The following ZFYVE28 variants were observed in gnomAD, a reference collection of about 807,000 sequenced individuals.
ZFYVE28 encodes the protein zinc finger FYVE-type containing 28, also known as lateral signaling target protein 2 homolog.
In ZFYVE28, 40 loss-of-function variants were observed where a neutral mutation model predicts 82.1. That is an observed-to-expected ratio of 0.49 (90% confidence interval 0.38 to 0.63). The LOEUF is 0.63. ZFYVE28 is among the 30% of genes least tolerant of loss of function. The pLI is 0.00. For missense variants in ZFYVE28, 1,321 were observed against 1,242.1 expected (o/e 1.06, Z -0.96); for synonymous variants, 612 against 546.1 (o/e 1.12, Z -1.68).
At chr4:2,297,265 C>T (rs1217466372) in intron 8 of ZFYVE28, among the ~76,000 whole-genome samples, 3 of 152,212 alleles carry the variant, frequency 2.0e-5, no homozygotes, top group Non-Finnish European at 4.4e-5. Context: ...GGAGGATTTG[C>T]AGCAGCGACC....
At position 2,332,909 on chromosome 4, in the gene ZFYVE28, T is replaced by A. The variant is rs1720940960; in HGVS notation, c.701+2796A>T. Among the ~76,000 whole-genome samples, 4 of 152,262 alleles carry A rather than the reference T, an allele frequency of 2.6e-5. No individual in the cohort carries two copies. In the South Asian group the frequency reaches 8.3e-4, roughly 32 times the overall value. ...TCCACAGCCTGGCTCTGTGGCTAGA[T>A]GCCTGCCTCTGTGGGGGCTCACAGC... On this transcript the variant is annotated intron_variant, in intron 6 of 12. Coordinates refer to ENST00000290974, the MANE Select transcript of ZFYVE28 (RefSeq NM_020972.3). This position sits in a 1 kb window ranked among gnomAD's most constrained non-coding sequence, Gnocchi z 4.7.
intron 8 of ZFYVE28, among the ~76,000 whole-genome samples, chr4:2,278,767 C>G (rs983397956): frequency 6.6e-6 from 1 of 150,590 alleles, no homozygotes; most frequent in Non-Finnish European, 1.5e-5. Context: ...AAAAAAAACA[C>G]TACTGAACAA....
In ZFYVE28 at chr4:2,270,795, G is replaced by A. The variant is rs575982537; in HGVS notation, c.2594C>T (p.Pro865Leu). 10 of 1,613,146 alleles carry A rather than the reference G, an allele frequency of 6.2e-6. No homozygotes were observed. The highest frequency in any genetic ancestry group is 4.5e-5 in the East Asian group (2 of 44,874). Residue 865 changes from proline (P) to leucine (L), a missense_variant, in exon 13 of 13, where the codon CCG (proline) becomes CTG (leucine). Pro to Leu is a moderately conservative substitution (Grantham distance 98). Transcript: ENST00000290974. ...GTAGCAGTGGGTGCACACTCGGACCGGCTTCACCTGCCCGTAGCGGGGCAG... is the reference window on the plus strand; with the variant it reads ...GTAGCAGTGGGTGCACACTCGGACCAGCTTCACCTGCCCGTAGCGGGGCAG... ...APLPRYGQVK[P>L]VRVCTHCYMF... is the part of the protein sequence containing the mutation.
At chr4:2,302,015 C>T (rs1431710976) in intron 8 of ZFYVE28, among the ~76,000 whole-genome samples, 4 of 152,200 alleles carry the variant, frequency 2.6e-5, no homozygotes, top group Admixed American at 6.5e-5. Context: ...CGCATGAGGC[C>T]CTGCCCCGCA....
chr4:2,278,006 C>T (rs143496772), intron 8 of ZFYVE28, among the ~76,000 whole-genome samples: 4 of 151,970 alleles, frequency 2.6e-5, no homozygotes, highest in Non-Finnish European at 5.9e-5. Flanking sequence ...ACCGAGAGTC[C>T]GCAAAGAAAC....
chr4:2,292,679 CA>C (rs1157681977), intron 8 of ZFYVE28, among the ~76,000 whole-genome samples: 1 of 152,164 alleles, frequency 6.6e-6, no homozygotes, highest in African/African-American at 2.4e-5. Context: ...AATCTTCGCA[CA>C]AAGAAAACTC....
At chr4:2,381,437 C>T (rs1028559143) in intron 1 of ZFYVE28, among the ~76,000 whole-genome samples, 1 of 152,168 alleles carries the variant, frequency 6.6e-6, no homozygotes. Flanking sequence ...GACAGAGTCT[C>T]GCTGTGACAC....
chr4:2,405,846 G>A (rs537184206), intron 1 of ZFYVE28, among the ~76,000 whole-genome samples: 11 of 151,136 alleles, frequency 7.3e-5, no homozygotes, highest in Admixed American at 1.3e-4. Flanking sequence ...TCAGGAGTTC[G>A]AGACCACCCT....
At chr4:2,397,532 T>C (rs1272931423) in intron 1 of ZFYVE28, among the ~76,000 whole-genome samples, 4 of 150,822 alleles carry the variant, frequency 2.7e-5, no homozygotes, top group African/African-American at 9.8e-5. Context: ...CACCATCCCT[T>C]CTCCACAACT....
At chr4:2,360,871 A>C (rs115574489) in intron 1 of ZFYVE28, among the ~76,000 whole-genome samples, 4 of 152,200 alleles carry the variant, frequency 2.6e-5, no homozygotes, top group Non-Finnish European at 5.9e-5. Flanking sequence ...AGGGGCGGTT[A>C]ATGTTCCATC....
intron 8 of ZFYVE28, among the ~76,000 whole-genome samples, chr4:2,289,019 C>T (rs141007827): frequency 2.3e-4 from 35 of 152,026 alleles, no homozygotes; most frequent in African/African-American, 8.2e-4. Context: ...CATGGTGGCT[C>T]ATGCCTGTAA....
intron 5 of ZFYVE28, among the ~76,000 whole-genome samples, chr4:2,336,772 G>A (rs568010193): frequency 1.3e-5 from 2 of 150,490 alleles, no homozygotes; most frequent in African/African-American, 4.9e-5. Flanking sequence ...GAGGAGTGAG[G>A]AGGTGAGGAG....
At chr4:2,298,157 G>A (rs943991477) in intron 8 of ZFYVE28, among the ~76,000 whole-genome samples, 6 of 143,672 alleles carry the variant, frequency 4.2e-5, no homozygotes, top group Non-Finnish European at 7.5e-5. Context: ...GGCAGAGGAC[G>A]AGCGGTGACA....
intron 8 of ZFYVE28, among the ~76,000 whole-genome samples, chr4:2,292,077 C>G (rs1356522551): frequency 6.6e-6 from 1 of 152,192 alleles, no homozygotes; most frequent in Non-Finnish European, 1.5e-5. Context: ...TCAGTCACAT[C>G]CAGGTGCTCT....
intron 7 of ZFYVE28, 82 bp from the exon 8 acceptor site, chr4:2,305,618 G>C: frequency 6.5e-7 from 1 of 1,535,174 alleles, no homozygotes; most frequent in Non-Finnish European, 8.9e-7. Context: ...GCAGCACCCT[G>C]GAGTCTGCAC....
At chr4:2,364,666 C>T in intron 1 of ZFYVE28, 1 of 985,518 alleles carries the variant, frequency 1.0e-6, no homozygotes, top group East Asian at 1.1e-4. Flanking sequence ...GCAGAGAACC[C>T]GCTTAGCCTG....
At chr4:2,383,683 A>G (rs901240066) in intron 1 of ZFYVE28, among the ~76,000 whole-genome samples, 1 of 152,210 alleles carries the variant, frequency 6.6e-6, no homozygotes, top group Non-Finnish European at 1.5e-5. Flanking sequence ...CCTTGGCACC[A>G]TCAGTGCAGA....
At chr4:2,303,455 G>A (rs193108696) in intron 8 of ZFYVE28, among the ~76,000 whole-genome samples, 44 of 152,246 alleles carry the variant, frequency 2.9e-4, no homozygotes, top group African/African-American at 1.0e-3. Context: ...GTTGAACCTC[G>A]TCCCCTCCCT....
At chr4:2,382,676 C>A (rs1325080312) in intron 1 of ZFYVE28, among the ~76,000 whole-genome samples, 1 of 152,120 alleles carries the variant, frequency 6.6e-6, no homozygotes, top group Non-Finnish European at 1.5e-5. Flanking sequence ...AGGGTACTTG[C>A]CTTGTCTTAG....
Sources: allele counts gnomAD v4.1 joint callset (sites outside exome capture counted in the v4.1 genomes callset), GRCh38; gene constraint gnomAD v4.1.1; non-coding constraint Gnocchi (gnomAD v3.1); transcripts MANE v1.5; gene names NCBI Gene and HGNC (gene_info 2026-07-23, HGNC 2026-07-21).